ZNF138: variants seen among roughly 807,000 people sequenced by gnomAD.
ZNF138 encodes the protein zinc finger protein 138 (clone pHZ-32).
Under a neutral mutation model 33.0 loss-of-function variants are expected in ZNF138, and 33 were observed. The observed-to-expected ratio is 1.00, with a 90% CI of 0.76 to 1.34. The LOEUF is 1.34. ZNF138 is among the 40% of genes most tolerant of loss of function. The pLI is 0.00. For missense variants in ZNF138, 360 were observed against 370.8 expected (o/e 0.97, Z 0.24); for synonymous variants, 139 against 120.4 (o/e 1.15, Z -1.01).
the ZNF138 span, among the ~76,000 whole-genome samples, chr7:64,860,668 G>T: frequency 6.6e-6 from 1 of 152,186 alleles, no homozygotes; most frequent in Non-Finnish European, 1.5e-5. Flanking sequence ...TAAATGGAAA[G>T]GTTTTGGGCC....
chr7:64,815,628 T>A lies in ZNF138; in HGVS notation c.183T>A (p.His61Gln), dbSNP rs751901496. The A allele has an allele frequency of 4.3e-5, 69 of 1,612,262 alleles. No homozygotes were observed. The South Asian group carries it at 7.2e-4, about 17-fold the overall frequency. The change falls in exon 3 of 4, where the codon CAT (histidine) becomes CAA (glutamine). Residue 61 changes from histidine to glutamine, a missense_variant. His to Gln is a conservative substitution (Grantham distance 24). Transcript: ENST00000307355. ...QGKEPWNMKR[H>Q]EMVVAKHSAL... ...AAGAGCCCTGGAATATGAAGAGACA[T>A]GAGATGGTGGTAGCCAAACATTCAG...
At chr7:64,824,487 G>T (rs1296911802) in intron 3 of ZNF138, among the ~76,000 whole-genome samples, 3 of 152,216 alleles carry the variant, frequency 2.0e-5, no homozygotes, top group Non-Finnish European at 4.4e-5. Flanking sequence ...CTATAATGTT[G>T]TCTAAGTTTT....
Position 64,813,740 on chromosome 7 carries a change from T to G in ZNF138, c.4-1178T>G, listed in dbSNP as rs370753940. Among the ~76,000 whole-genome samples the G allele has an allele frequency of 7.3e-5, 11 of 151,596 alleles. No homozygotes were observed. In the East Asian group the frequency reaches 1.9e-3, roughly 27 times the overall value. ...TGAGTCACCCCGCCTGGCCAAATGA[T>G]TTTTTTTTATGGTTACATTCAGACT... is the stretch of plus-strand genomic sequence containing the variant. On this transcript the variant is annotated intron_variant, in intron 1 of 3. Transcript: ENST00000307355.
chr7:64,818,385 G>C (rs1788849926), intron 3 of ZNF138, among the ~76,000 whole-genome samples: 1 of 152,134 alleles, frequency 6.6e-6, no homozygotes, highest in Non-Finnish European at 1.5e-5. Flanking sequence ...TGCTTCCACA[G>C]TTGGATTACA....
At chr7:64,821,459 T>G (rs1038965068) in intron 3 of ZNF138, among the ~76,000 whole-genome samples, 6 of 151,670 alleles carry the variant, frequency 4.0e-5, no homozygotes, top group African/African-American at 1.5e-4. Context: ...TTTTTTCAAA[T>G]GCTTTTTCCA....
intron 1 of ZNF138, among the ~76,000 whole-genome samples, chr7:64,800,485 A>G (rs1245456777): frequency 1.3e-5 from 2 of 152,182 alleles, no homozygotes; most frequent in Non-Finnish European, 2.9e-5. Flanking sequence ...AACGAATCAC[A>G]TTTATTAATT....
chr7:64,812,317 C>T (rs1427215910), intron 1 of ZNF138, among the ~76,000 whole-genome samples: 1 of 152,030 alleles, frequency 6.6e-6, no homozygotes, highest in Non-Finnish European at 1.5e-5. Flanking sequence ...CACCACACGC[C>T]CGGCTAATTT....
chr7:64,830,879 T>C lies in ZNF138; in HGVS notation c.209-572T>C. ...AATTTTTTAGGGTTTTTTTAGTTCA[T>C]TCTTGTTTCATCTTAATAGTCAGTA... On this transcript the variant is annotated intron_variant, in intron 3 of 3. Transcript: ENST00000307355. 1.1e-5 allele frequency: 16 copies of C among 1,473,012 alleles called. 1 individual carries two copies. The highest frequency in any genetic ancestry group is 1.4e-5 in the Non-Finnish European group (16 of 1,112,528). 91.2% of individuals were successfully genotyped at this position (1,473,012 alleles called of 1,614,324 possible).
the ZNF138 span, among the ~76,000 whole-genome samples, chr7:64,842,891 A>G: frequency 3.3e-5 from 5 of 152,216 alleles, no homozygotes; most frequent in African/African-American, 4.8e-5. Flanking sequence ...ATTTTGATCT[A>G]TAGTCACTAT....
In ZNF138 at chr7:64,832,153, A is replaced by C. The variant is rs749134509; in HGVS notation, c.911A>C (p.Glu304Ala). 63 of 1,611,872 alleles carry C rather than the reference A, an allele frequency of 3.9e-5. No individual in the cohort carries two copies. The South Asian group carries it at 6.6e-4, about 17-fold the overall frequency. The change falls in exon 4 of 4, where the codon GAG (glutamate) becomes GCG (alanine). Residue 304 changes from glutamate (E) to alanine (A), a missense_variant. Coordinates refer to ENST00000307355, the MANE Select transcript of ZNF138 (RefSeq NM_001271639.2). ...AAACATCAGATAATTTATACTGGAG[A>C]GGAACCATACAAATGTGAGGAATGT... is the stretch of plus-strand genomic sequence containing the variant. ...LTKHQIIYTG[E>A]EPYKCEECGK...
chr7:64,820,065 T>C (rs1788988618), intron 3 of ZNF138, among the ~76,000 whole-genome samples: 1 of 16,924 alleles, frequency 5.9e-5, no homozygotes, highest in Non-Finnish European at 1.0e-4. Flanking sequence ...AGAGTGAGAC[T>C]CTGTCCCCGC....
chr7:64,838,270 A>G (rs983018570), downstream of ZNF138, among the ~76,000 whole-genome samples: 1 of 152,202 alleles, frequency 6.6e-6, no homozygotes, highest in African/African-American at 2.4e-5. Flanking sequence ...TCTGACTTCC[A>G]GTGCCCCATT....
chr7:64,824,967 A>G (rs530624783), intron 3 of ZNF138, among the ~76,000 whole-genome samples: 2 of 151,340 alleles, frequency 1.3e-5, no homozygotes, highest in African/African-American at 2.4e-5. Context: ...TCAGTTTCTC[A>G]AGTAGCTGGG....
At chr7:64,824,771 T>A (rs1789434419) in intron 3 of ZNF138, among the ~76,000 whole-genome samples, 1 of 152,214 alleles carries the variant, frequency 6.6e-6, no homozygotes, top group African/African-American at 2.4e-5. Flanking sequence ...AATATAATTA[T>A]GACTTCCTCA....
At chr7:64,848,833 T>C in the ZNF138 span, among the ~76,000 whole-genome samples, 3 of 151,420 alleles carry the variant, frequency 2.0e-5, no homozygotes, top group South Asian at 6.3e-4. Context: ...GCCTCCTGAG[T>C]AGCTGGGACT....
chr7:64,844,672 T>TTTTTGTTTTG, the ZNF138 span, among the ~76,000 whole-genome samples: 228 of 150,582 alleles, frequency 1.5e-3, 2 homozygotes, highest in African/African-American at 5.0e-3. Context: ...TTTATGTGTT[T>TTTTTGTTTTG]TTTTGTTTTG....
chr7:64,810,317 C>T (rs1252502069), intron 1 of ZNF138, among the ~76,000 whole-genome samples: 8 of 146,448 alleles, frequency 5.5e-5, no homozygotes, highest in Non-Finnish European at 9.1e-5. Flanking sequence ...CGTGGTGGCG[C>T]GAGCCTGCAA....
chr7:64,827,721 A>G (rs939235628), intron 3 of ZNF138, among the ~76,000 whole-genome samples: 8 of 151,988 alleles, frequency 5.3e-5, no homozygotes, highest in Non-Finnish European at 2.9e-5. Flanking sequence ...TTTTTTTTCA[A>G]TATTCTTCTA....
chr7:64,844,157 A>C, the ZNF138 span, among the ~76,000 whole-genome samples: 1 of 152,010 alleles, frequency 6.6e-6, no homozygotes, highest in East Asian at 1.9e-4. Context: ...GCAGCCTAGA[A>C]CTCCTGGGCT....
Sources: gnomAD v4.1 joint callset for allele counts (sites outside exome capture counted in the v4.1 genomes callset) on GRCh38, gnomAD v4.1.1 for gene constraint, MANE v1.5 for transcripts, NCBI Gene and HGNC (gene_info 2026-07-23, HGNC 2026-07-21) for gene names.